UBE2E1: variants seen among roughly 807,000 people sequenced by gnomAD.
UBE2E1 encodes the protein ubiquitin-conjugating enzyme E2 E1.
UBE2E1 carries 6 observed loss-of-function variants against 21.4 expected under a neutral mutation model. That is an observed-to-expected ratio of 0.28 (90% CI 0.15 to 0.55). UBE2E1 has a LOEUF of 0.55. Ranked by LOEUF, UBE2E1 falls within the 20% of genes least tolerant of loss-of-function variation. The probability of loss-of-function intolerance (pLI) is 0.93; values close to 1 mark genes in which losing one functional copy is unlikely to be tolerated. For synonymous variants in UBE2E1, 87 were observed against 82.7 expected, an observed-to-expected ratio of 1.05 and a Z score of -0.28; for missense variants, 142 against 236.5, an observed-to-expected ratio of 0.60 and a Z score of 2.62.
rs369219088 is a variant in UBE2E1, at chr3:23,888,699, TTTAA to T, written c.337-409_337-406del. ...TAGTCATTGTTTGCTAAGTATGTTG[TTTAA>T]TTATCTTTATGTACCCATTATGTTG... On this transcript the variant is annotated intron_variant, in intron 4 of 5. Transcript: ENST00000306627. 4.0e-3 allele frequency among the ~76,000 whole-genome samples: 612 copies of T among 152,362 alleles called. 5 individuals are homozygous for T. Among genetic ancestry groups the T allele is most frequent in the African/African-American group, 0.013 (549 of 41,574 alleles).
intron 3 of UBE2E1, among the ~76,000 whole-genome samples, chr3:23,875,852 A>G (rs1042524562): frequency 6.6e-6 from 1 of 152,228 alleles, no homozygotes; most frequent in African/African-American, 2.4e-5. Context: ...ATCTCACTGC[A>G]GCCTCCGCCT....
At chr3:23,882,939 G>C (rs1407942161) in intron 3 of UBE2E1, among the ~76,000 whole-genome samples, 2 of 152,178 alleles carry the variant, frequency 1.3e-5, no homozygotes, top group African/African-American at 4.8e-5. Flanking sequence ...CCTGCAAACA[G>C]AGGGAGCCAG....
intron 3 of UBE2E1, among the ~76,000 whole-genome samples, chr3:23,865,913 A>AGCT (rs943620961): frequency 1.3e-5 from 2 of 152,102 alleles, no homozygotes; most frequent in Non-Finnish European, 1.5e-5. Flanking sequence ...GGGCCTCTTT[A>AGCT]GCTGCTGCTG....
Position 23,836,883 on chromosome 3 carries a change from C to G in UBE2E1, c.203+25373C>G, listed in dbSNP as rs1452456493. Among the ~76,000 whole-genome samples, 1 of 152,108 alleles carries G rather than the reference C, an allele frequency of 6.6e-6. No individual in the cohort carries two copies. The highest frequency in any genetic ancestry group is 1.5e-5 in the Non-Finnish European group (1 of 68,026). ...CTTTGTGCTAGATGGTGGCATCACT[C>G]ATGATGAAGAAGATAAAGCTCTTGT... On this transcript the variant is annotated intron_variant, in intron 3 of 5. Transcript: ENST00000306627. The surrounding 1 kb of genome is among the most constrained non-coding windows in gnomAD (Gnocchi z 4.1).
intron 3 of UBE2E1, among the ~76,000 whole-genome samples, chr3:23,869,396 T>C (rs1700730103): frequency 7.5e-6 from 1 of 133,994 alleles, no homozygotes; most frequent in Non-Finnish European, 1.5e-5. Flanking sequence ...AATTTTTATG[T>C]AGTCAGATCT....
At chr3:23,850,837 C>CTTTTTTTTTTTTTTTTTTTT (rs71057628) in intron 3 of UBE2E1, among the ~76,000 whole-genome samples, 1 of 128,458 alleles carries the variant, frequency 7.8e-6, no homozygotes, top group African/African-American at 2.9e-5. Flanking sequence ...CCACACCCAG[C>CTTTTTTTTTTTTTTTTTTTT]TTTTTTTTTT....
In UBE2E1 at chr3:23,842,806, A is replaced by ATT. The variant is rs749744593; in HGVS notation, c.203+31297_203+31298insTT. ...TGTACAACAGTAAATGGAATAAACA[A>ATT]TAATAACTTTGAGTCTTCTGGAATA... On this transcript the variant is annotated intron_variant, in intron 3 of 5. Transcript: ENST00000306627. This position sits in a 1 kb window ranked among gnomAD's most constrained non-coding sequence, Gnocchi z 4.6. 4.3e-4 allele frequency among the ~76,000 whole-genome samples: 65 copies of ATT among 152,332 alleles called. No individual in the cohort carries two copies. Among genetic ancestry groups the ATT allele is most frequent in the Non-Finnish European group, 7.4e-4 (50 of 68,014 alleles).
At chr3:23,851,962 GA>G (rs1022045296) in intron 3 of UBE2E1, among the ~76,000 whole-genome samples, 1 of 152,114 alleles carries the variant, frequency 6.6e-6, no homozygotes, top group African/African-American at 2.4e-5. Flanking sequence ...TCACGGTAAT[GA>G]GTGAGTTTTC....
In UBE2E1 at chr3:23,842,198, G is replaced by GGGGTGTGTGT. The variant is rs1553637704; in HGVS notation, c.203+30689_203+30690insGGTGTGTGTG. Among the ~76,000 whole-genome samples the GGGGTGTGTGT allele has an allele frequency of 3.1e-3, 328 of 104,362 alleles. 1 individual carries two copies. The highest frequency in any genetic ancestry group is 6.8e-3 in the South Asian group (20 of 2,926). The allele number at this position is 104,362 out of a possible 152,430, so 68.5% of individuals were successfully genotyped here. Reference sequence around the variant, plus strand: ...TATGTCATGACCCAGTAAGTGAAGGGGTGTGTGTGTGTGTGTGTGTGTGTG... The same window carrying GGGGTGTGTGT: ...TATGTCATGACCCAGTAAGTGAAGGGGGGTGTGTGTGTGTGTGTGTGTGTGTGTGTGTGTG... On this transcript the variant is annotated intron_variant, in intron 3 of 5. Transcript: ENST00000306627. This position sits in a 1 kb window ranked among gnomAD's most constrained non-coding sequence, Gnocchi z 4.6.
intron 3 of UBE2E1, among the ~76,000 whole-genome samples, chr3:23,826,234 T>A (rs1699757313): frequency 6.6e-6 from 1 of 152,212 alleles, no homozygotes; most frequent in South Asian, 2.1e-4. Flanking sequence ...ACTGAAGACA[T>A]GTTACCAAAA....
intron 3 of UBE2E1, among the ~76,000 whole-genome samples, chr3:23,819,216 A>G (rs1291828352): frequency 1.3e-5 from 2 of 152,204 alleles, no homozygotes; most frequent in Admixed American, 6.5e-5. Flanking sequence ...CCCGGGAGAC[A>G]GGGGTTGCAG....
rs61645368 is a variant in UBE2E1, at chr3:23,863,611, A to C, written c.204-23956A>C. Among the ~76,000 whole-genome samples the C allele has an allele frequency of 0.17, 25,728 of 151,966 alleles. 2,325 individuals are homozygous for C. The highest frequency in any genetic ancestry group is 0.2 in the Non-Finnish European group (13,717 of 67,942). ...AGTGGCGCGATCTCAACTCACCGCA[A>C]CCTCCGCCTTCTGGGTTCAAGTGAT... On this transcript the variant is annotated intron_variant, in intron 3 of 5. Coordinates refer to ENST00000306627, the MANE Select transcript of UBE2E1 (RefSeq NM_003341.5). This position sits in a 1 kb window ranked among gnomAD's most constrained non-coding sequence, Gnocchi z 4.3.
chr3:23,888,497 T>C (rs1480807222), intron 4 of UBE2E1, among the ~76,000 whole-genome samples: 1 of 152,236 alleles, frequency 6.6e-6, no homozygotes, highest in Admixed American at 6.5e-5. Flanking sequence ...CACCAGCTTA[T>C]GTGACTTGTG....
intron 3 of UBE2E1, among the ~76,000 whole-genome samples, chr3:23,843,388 G>A (rs192929403): frequency 1.3e-5 from 2 of 152,260 alleles, no homozygotes; most frequent in Non-Finnish European, 2.9e-5. Flanking sequence ...GCACAACTGT[G>A]GCACACCATT....
At chr3:23,851,404 G>A (rs556167759) in intron 3 of UBE2E1, among the ~76,000 whole-genome samples, 2 of 152,194 alleles carry the variant, frequency 1.3e-5, no homozygotes, top group East Asian at 1.9e-4. Context: ...TTTAGGATCC[G>A]CTTGTCAATT....
chr3:23,839,942 GTGTT>G (rs1415932532), intron 3 of UBE2E1, among the ~76,000 whole-genome samples: 1 of 151,910 alleles, frequency 6.6e-6, no homozygotes, highest in Non-Finnish European at 1.5e-5. Flanking sequence ...CTTGTGCTTG[GTGTT>G]TGTTCAGTTT....
chr3:23,807,583 C>T (rs1699305962), intron 2 of UBE2E1, 162 bp downstream of exon 2: 13 of 838,486 alleles, frequency 1.6e-5, no homozygotes, highest in Admixed American at 3.7e-5. Context: ...TTCTCTATTG[C>T]TGCTTCTGTT....
Position 23,823,925 on chromosome 3 carries a change from G to A in UBE2E1, c.203+12415G>A, listed in dbSNP as rs942087244. On this transcript the variant is annotated intron_variant, in intron 3 of 5. Transcript: ENST00000306627. The surrounding 1 kb of genome is among the most constrained non-coding windows in gnomAD (Gnocchi z 4.2). ...TCCTTCAGGGAGACTGGTAGCCCCC[G>A]AAAAGACATTTATTTTTTGTAGCTT... 8.5e-5 allele frequency among the ~76,000 whole-genome samples: 13 copies of A among 152,146 alleles called. No homozygotes were observed. Among genetic ancestry groups the A allele is most frequent in the African/African-American group, 3.1e-4 (13 of 41,424 alleles).
In UBE2E1 at chr3:23,806,347, G is replaced by C. The variant is rs1405451779; in HGVS notation, c.-34+259G>C. ...GACGGGGGTCATTGTGGCTCGAACTGTCAGCGCTGCCCCAAGAGCCCCCCA... is the reference window on the plus strand; with the variant it reads ...GACGGGGGTCATTGTGGCTCGAACTCTCAGCGCTGCCCCAAGAGCCCCCCA... On this transcript the variant is annotated intron_variant, in intron 1 of 5. Transcript: ENST00000306627. The surrounding 1 kb of genome is among the most constrained non-coding windows in gnomAD (Gnocchi z 6.5). Among the ~76,000 whole-genome samples the C allele has an allele frequency of 6.6e-6, 1 of 151,196 alleles. No individual in the cohort carries two copies. The highest frequency in any genetic ancestry group is 1.5e-5 in the Non-Finnish European group (1 of 67,498).
Sources: gnomAD v4.1 joint callset for allele counts (sites outside exome capture counted in the v4.1 genomes callset) on GRCh38, gnomAD v4.1.1 for gene constraint, Gnocchi (gnomAD v3.1) non-coding constraint, MANE v1.5 for transcripts, NCBI Gene and HGNC (gene_info 2026-07-23, HGNC 2026-07-21) for gene names.